The following MIER3 variants were observed in gnomAD, a reference collection of about 807,000 sequenced individuals.
MIER3 encodes mesoderm induction early response protein 3.
MIER3 carries 9 observed loss-of-function variants against 63.2 expected under a neutral mutation model. The observed-to-expected ratio is 0.14, with a 90% CI of 0.09 to 0.25. The LOEUF is 0.25. Among genes scored for constraint, MIER3 ranks in the 10% least tolerant of loss-of-function variants. MIER3 has a pLI of 1.00. For missense variants in MIER3, 512 were observed against 666.2 expected (o/e 0.77, Z 2.55); for synonymous variants, 205 against 224.9 (o/e 0.91, Z 0.79).
At chr5:56,926,620 C>T (rs1749995506) in intron 10 of MIER3, among the ~76,000 whole-genome samples, 1 of 152,022 alleles carries the variant, frequency 6.6e-6, no homozygotes, top group African/African-American at 2.4e-5. Flanking sequence ...CAATAGAACT[C>T]ATTCATTACT....
intron 2 of MIER3, among the ~76,000 whole-genome samples, chr5:56,948,595 G>A (rs970708414): frequency 6.6e-6 from 1 of 151,980 alleles, no homozygotes; most frequent in Non-Finnish European, 1.5e-5. Context: ...CTTGAACCTG[G>A]GAGGTCGAGG....
In MIER3 at chr5:56,952,078, C is replaced by G. The variant is rs993222904; in HGVS notation, c.9+16G>C. ...CCGCTCCAGCCCGGCTGCTCCTGCCCGGTTTCCCTGCTCACCTCCGCCATA... is the reference window on the plus strand; with the variant it reads ...CCGCTCCAGCCCGGCTGCTCCTGCCGGGTTTCCCTGCTCACCTCCGCCATA... On this transcript the variant is annotated intron_variant, in intron 1 of 12. Transcript: ENST00000381199. 2.3e-6 allele frequency: 3 copies of G among 1,301,424 alleles called. No individual in the cohort carries two copies. The highest frequency in any genetic ancestry group is 3.0e-6 in the Non-Finnish European group (3 of 1,006,936). 80.6% of individuals were successfully genotyped at this position (1,301,424 alleles called of 1,614,324 possible).
At position 56,922,989 on chromosome 5, in the gene MIER3, A is replaced by G; in HGVS notation, c.*139T>C. 1.5e-6 allele frequency: 1 copy of G among 657,824 alleles called. No individual in the cohort carries two copies. Among genetic ancestry groups the G allele is most frequent in the South Asian group, 2.0e-5 (1 of 50,312 alleles). The allele number at this position is 657,824 out of a possible 1,614,324, so 40.7% of individuals were successfully genotyped here. On this transcript the variant is annotated 3_prime_UTR_variant, in exon 13 of 13. Coordinates refer to ENST00000381199, the MANE Select transcript of MIER3 (RefSeq NM_001297599.2). ...AAATGAAAATACTCTTGATAAATCAAGATATAGTTCTATACATACTGACAT... is the reference window on the plus strand; with the variant it reads ...AAATGAAAATACTCTTGATAAATCAGGATATAGTTCTATACATACTGACAT...
chr5:56,946,621 G>C (rs917484922), intron 3 of MIER3, among the ~76,000 whole-genome samples: 2 of 152,104 alleles, frequency 1.3e-5, no homozygotes, highest in African/African-American at 4.8e-5. Flanking sequence ...ACAATGGAAA[G>C]AGGGCTAGAC....
intron 10 of MIER3, among the ~76,000 whole-genome samples, chr5:56,927,505 CAG>C (rs1358382375): frequency 6.6e-6 from 1 of 152,102 alleles, no homozygotes; most frequent in African/African-American, 2.4e-5. Context: ...AGGAAATAAA[CAG>C]AGCATATTTT....
chr5:56,925,821 T>C (rs1005893030), intron 10 of MIER3, among the ~76,000 whole-genome samples: 6 of 151,698 alleles, frequency 4.0e-5, no homozygotes, highest in African/African-American at 1.5e-4. Context: ...ATCAAAGTAC[T>C]GACAGTCCCC....
rs763031115 is a variant in MIER3, at chr5:56,937,631, G to A, written c.383C>T (p.Thr128Met). ...AGTTTCATGGGAAGTCACAGATGGC[G>A]TCAGATCATCCGCAGAAGACTGAGT... The part of the protein sequence containing the change: ...EETQSSADDL[T>M]PSVTSHETSD... The change falls in exon 5 of 13, where the codon ACG (threonine) becomes ATG (methionine). Residue 128 changes from threonine (T) to methionine (M), a missense_variant. Physicochemically the swap from Thr to Met is moderately conservative, Grantham distance 81 (BLOSUM62 -1). This residue lies in a region of MIER3 where 44 missense variants were observed against 87.6 expected (regional missense o/e 0.50). Coordinates refer to ENST00000381199, the MANE Select transcript of MIER3 (RefSeq NM_001297599.2). 14 of 1,612,028 alleles carry A rather than the reference G, an allele frequency of 8.7e-6. No homozygotes were observed. The highest frequency in any genetic ancestry group is 2.2e-5 in the East Asian group (1 of 44,816).
chr5:56,939,737 G>A lies in MIER3; in HGVS notation c.181-720C>T, dbSNP rs559427485. On this transcript the variant is annotated intron_variant, in intron 3 of 12. Transcript: ENST00000381199. ...GAATACCTACGCCATGCCTCACAGT[G>A]ACACCAAGTCACTGTTCCCCTCTAG... is the stretch of plus-strand genomic sequence containing the variant. 2.0e-5 allele frequency among the ~76,000 whole-genome samples: 3 copies of A among 152,270 alleles called. No individual in the cohort carries two copies. The East Asian group carries it at 5.8e-4, about 29-fold the overall frequency.
intron 3 of MIER3, chr5:56,941,236 T>A: frequency 1.3e-6 from 1 of 752,812 alleles, no homozygotes; most frequent in Non-Finnish European, 1.6e-6. Context: ...CAATTGTGAC[T>A]ATAGACAAGG....
intron 3 of MIER3, among the ~76,000 whole-genome samples, chr5:56,940,366 A>T (rs1176161426): frequency 3.3e-5 from 5 of 152,220 alleles, no homozygotes. Flanking sequence ...ACTAAAGCAG[A>T]GTGTGCAAAA....
At position 56,920,587 on chromosome 5, in the gene MIER3, C is replaced by A. The variant is rs1749624440; in HGVS notation, c.*2541G>T. ...TTCCAAATGCAATTCTTTTAATAAACAGTAACAAATTCTCTGTTAAGATGT... is the reference window on the plus strand; with the variant it reads ...TTCCAAATGCAATTCTTTTAATAAAAAGTAACAAATTCTCTGTTAAGATGT... On this transcript the variant is annotated 3_prime_UTR_variant, in exon 13 of 13. Transcript: ENST00000381199. The A allele has an allele frequency of 6.6e-6, 1 of 151,560 alleles. No homozygotes were observed. Among genetic ancestry groups the A allele is most frequent in the Admixed American group, 6.6e-5 (1 of 15,204 alleles). The allele number at this position is 151,560 out of a possible 1,614,324, so 9.4% of individuals were successfully genotyped here.
At chr5:56,952,035 CG>C in intron 1 of MIER3, 58 bp downstream of exon 1, 5 of 1,249,066 alleles carry the variant, frequency 4.0e-6, no homozygotes, top group South Asian at 4.0e-5. Flanking sequence ...TCGGGGGTCG[CG>C]GGGAGCCGCC....
chr5:56,951,727 C>A (rs1424050353), intron 1 of MIER3, among the ~76,000 whole-genome samples: 2 of 138,478 alleles, frequency 1.4e-5, no homozygotes, highest in African/African-American at 5.2e-5. Context: ...TTCCACCCAC[C>A]CGGGCCCGGG....
chr5:56,925,515 C>A, intron 10 of MIER3: 1 of 228,258 alleles, frequency 4.4e-6, no homozygotes, highest in South Asian at 4.9e-5. Flanking sequence ...ACATTAGCAC[C>A]CCAAAATTAA....
intron 2 of MIER3, among the ~76,000 whole-genome samples, chr5:56,948,286 G>T (rs1750895111): frequency 6.6e-6 from 1 of 152,014 alleles, no homozygotes. Flanking sequence ...TTATTTTTTG[G>T]CAGGTTTACA....
chr5:56,937,822 T>C (rs1750503074), intron 4 of MIER3, 124 bp from the exon 5 acceptor site: 1 of 566,342 alleles, frequency 1.8e-6, no homozygotes, highest in South Asian at 7.1e-5. Flanking sequence ...TATGAAATTC[T>C]CCTATGATTT....
At chr5:56,952,052 C>A in intron 1 of MIER3, 42 bp downstream of exon 1, 1 of 1,267,536 alleles carries the variant, frequency 7.9e-7, no homozygotes, top group Non-Finnish European at 1.0e-6. Flanking sequence ...CCGCCGGGCG[C>A]CCGCTCCAGC....
intron 7 of MIER3, among the ~76,000 whole-genome samples, chr5:56,933,665 A>C (rs559373813): frequency 4.4e-4 from 67 of 152,294 alleles, no homozygotes; most frequent in South Asian, 1.0e-3. Flanking sequence ...CTCCATGCCT[A>C]GTAAAGTCTA....
chr5:56,928,916 C>T, intron 9 of MIER3, 55 bp from the exon 10 acceptor site: 1 of 1,232,300 alleles, frequency 8.1e-7, no homozygotes, highest in Non-Finnish European at 1.2e-6. Context: ...TTATGTGAAT[C>T]ACTGATTTTC....
Sources: allele counts gnomAD v4.1 joint callset (sites outside exome capture counted in the v4.1 genomes callset), GRCh38; gene constraint gnomAD v4.1.1; regional missense constraint gnomAD v4.1.1; transcripts MANE v1.5; gene names NCBI Gene and HGNC (gene_info 2026-07-23, HGNC 2026-07-21).